ANTXR1: variants seen among roughly 807,000 people sequenced by gnomAD.
ANTXR1 encodes the protein anthrax toxin receptor 1.
ANTXR1 carries 19 observed loss-of-function variants against 78.1 expected under a neutral mutation model. The ratio of observed to expected loss-of-function variants is 0.24; its 90% CI spans 0.17 to 0.36. The LOEUF (loss-of-function observed/expected upper bound fraction) is 0.36. ANTXR1 is among the 10% of genes least tolerant of loss of function. ANTXR1 has a pLI of 1.00. For missense variants in ANTXR1, 518 were observed against 718.6 expected (o/e 0.72, Z 3.19); for synonymous variants, 273 against 260.5 (o/e 1.05, Z -0.46).
chr2:69,243,852 G>A (rs1396712205), intron 17 of ANTXR1, among the ~76,000 whole-genome samples: 2 of 152,204 alleles, frequency 1.3e-5, no homozygotes, highest in African/African-American at 4.8e-5. Flanking sequence ...TCAGAGAGGA[G>A]CAACCCCACC....
At chr2:69,221,183 A>G (rs1675310197) in intron 17 of ANTXR1, among the ~76,000 whole-genome samples, 1 of 152,206 alleles carries the variant, frequency 6.6e-6, no homozygotes, top group South Asian at 2.1e-4. Context: ...GGACTCTCCA[A>G]TTACAGAGGA....
intron 17 of ANTXR1, among the ~76,000 whole-genome samples, chr2:69,224,496 C>T (rs1413928249): frequency 6.6e-6 from 1 of 152,196 alleles, no homozygotes; most frequent in African/African-American, 2.4e-5. Flanking sequence ...ATTCCCTTTC[C>T]CTGCCCTCAA....
chr2:69,183,069 CTA>C lies in ANTXR1; in HGVS notation c.1353+412_1353+413del, dbSNP rs1255142325. On this transcript the variant is annotated intron_variant, in intron 16 of 17. Coordinates refer to ENST00000303714, the MANE Select transcript of ANTXR1 (RefSeq NM_032208.3). ...CTTGGGTAGTAACCCCAGAGAGTGA[CTA>C]TAAATTTCCATAGCATCTCATAACT... 2.4e-5 allele frequency: 5 copies of C among 212,506 alleles called. No individual in the cohort carries two copies. The East Asian group carries it at 6.6e-4, about 28-fold the overall frequency. The allele number at this position is 212,506 out of a possible 1,614,324, so 13.2% of individuals were successfully genotyped here.
intron 1 of ANTXR1, among the ~76,000 whole-genome samples, chr2:69,020,730 CAA>C (rs771248632): frequency 1.3e-5 from 2 of 152,176 alleles, no homozygotes; most frequent in African/African-American, 4.8e-5. Context: ...CAATAAAAGA[CAA>C]AGAGAATATT....
At chr2:69,148,248 C>T (rs375160930) in intron 12 of ANTXR1, among the ~76,000 whole-genome samples, 1 of 152,226 alleles carries the variant, frequency 6.6e-6, no homozygotes, top group East Asian at 1.9e-4. Context: ...TTTCCACCCG[C>T]ACTCATGCTG....
intron 17 of ANTXR1, among the ~76,000 whole-genome samples, chr2:69,220,752 C>T (rs1675298475): frequency 6.6e-6 from 1 of 152,208 alleles, no homozygotes; most frequent in African/African-American, 2.4e-5. Flanking sequence ...CAGTTGTCTT[C>T]TCTCTGAGCA....
rs540904819 is a variant in ANTXR1 at position 69,171,729 on chromosome 2, GCA to G, written c.1089+1447_1089+1448del. Among the ~76,000 whole-genome samples, 31 of 152,328 alleles carry G rather than the reference GCA, an allele frequency of 2.0e-4. No homozygotes were observed. The South Asian group carries it at 4.6e-3, about 22-fold the overall frequency. On this transcript the variant is annotated intron_variant, in intron 14 of 17. Coordinates refer to ENST00000303714, the MANE Select transcript of ANTXR1 (RefSeq NM_032208.3). ...CAGATCCAACATCTAGCCTAGGGTT[GCA>G]CACACAGTACAAGCTCAGCAGGGAC... is the stretch of plus-strand genomic sequence containing the variant.
rs576126201 is a variant in ANTXR1, at chr2:69,131,699, G to T, written c.951+7056G>T. 3.3e-5 allele frequency among the ~76,000 whole-genome samples: 5 copies of T among 152,194 alleles called. 1 individual carries two copies. In the South Asian group the frequency reaches 8.3e-4, roughly 25 times the overall value. On this transcript the variant is annotated intron_variant, in intron 12 of 17. Coordinates refer to ENST00000303714, the MANE Select transcript of ANTXR1 (RefSeq NM_032208.3). ...GAATAAATGAATGAACCCAATCAAG[G>T]GTCATACTGGTACCATGATGGCACC...
rs1671003544 is a variant in ANTXR1 at position 69,084,912 on chromosome 2, G to A, written c.643-5947G>A. Among the ~76,000 whole-genome samples, 6 of 148,254 alleles carry A rather than the reference G, an allele frequency of 4.0e-5. No individual in the cohort carries two copies. The Admixed American group carries it at 4.1e-4, about 10-fold the overall frequency. On this transcript the variant is annotated intron_variant, in intron 8 of 17. Coordinates refer to ENST00000303714, the MANE Select transcript of ANTXR1 (RefSeq NM_032208.3). ...CTGTTGCCCAGGCTGGAGTGCAGTG[G>A]CGCTATCTCGGCTCACTGCAAGCTC...
chr2:69,107,233 CGTTTT>C (rs1671839014), intron 10 of ANTXR1, among the ~76,000 whole-genome samples: 1 of 151,208 alleles, frequency 6.6e-6, no homozygotes, highest in Non-Finnish European at 1.5e-5. Context: ...ATAAAGAAAA[CGTTTT>C]GTTTTGTGTG....
chr2:69,059,813 C>G (rs1024324246), intron 3 of ANTXR1, among the ~76,000 whole-genome samples: 1 of 151,942 alleles, frequency 6.6e-6, no homozygotes, highest in South Asian at 2.1e-4. Context: ...ACAGAACCCA[C>G]AATATATCCA....
chr2:69,201,894 A>G (rs959569109), intron 17 of ANTXR1, among the ~76,000 whole-genome samples: 1 of 152,182 alleles, frequency 6.6e-6, no homozygotes, highest in Non-Finnish European at 1.5e-5. Context: ...AGGGGGAAGC[A>G]TGAAGGCATC....
intron 2 of ANTXR1, among the ~76,000 whole-genome samples, chr2:69,041,013 C>T (rs759110759): frequency 2.6e-5 from 4 of 152,128 alleles, no homozygotes; most frequent in South Asian, 2.1e-4. Context: ...TTGACCTCAA[C>T]GCATGCCTAC....
intron 17 of ANTXR1, among the ~76,000 whole-genome samples, chr2:69,222,237 T>C (rs1300123386): frequency 2.6e-5 from 4 of 152,242 alleles, no homozygotes; most frequent in African/African-American, 4.8e-5. Context: ...AGCTTTGGTA[T>C]GAAATTCAAT....
intron 17 of ANTXR1, among the ~76,000 whole-genome samples, chr2:69,216,079 G>A (rs75689608): frequency 8.5e-5 from 13 of 152,210 alleles, no homozygotes; most frequent in Non-Finnish European, 1.5e-4. Context: ...CAGGGAGACC[G>A]TGTGTGCCAG....
intron 13 of ANTXR1, among the ~76,000 whole-genome samples, chr2:69,163,130 C>T (rs1415918510): frequency 3.3e-5 from 5 of 151,966 alleles, no homozygotes; most frequent in African/African-American, 4.8e-5. Flanking sequence ...TCTTAGTTGA[C>T]GTGAGTCTGA....
intron 16 of ANTXR1, among the ~76,000 whole-genome samples, chr2:69,189,820 AAGG>A (rs1380846045): frequency 1.3e-5 from 2 of 152,218 alleles, no homozygotes; most frequent in African/African-American, 4.8e-5. Context: ...GGGTGTGCAA[AAGG>A]AGGAGCAGGT....
At chr2:69,021,202 C>G (rs1671179195) in intron 1 of ANTXR1, among the ~76,000 whole-genome samples, 1 of 152,192 alleles carries the variant, frequency 6.6e-6, no homozygotes, top group East Asian at 1.9e-4. Context: ...GTCATCATTA[C>G]CATTTCACAC....
intron 3 of ANTXR1, among the ~76,000 whole-genome samples, chr2:69,069,979 G>A (rs1670517830): frequency 6.6e-6 from 1 of 152,164 alleles, no homozygotes; most frequent in African/African-American, 2.4e-5. Context: ...CATGAATGTA[G>A]ACTTCTTACA....
Sources: allele counts gnomAD v4.1 joint callset (sites outside exome capture counted in the v4.1 genomes callset), GRCh38; gene constraint gnomAD v4.1.1; transcripts MANE v1.5; gene names NCBI Gene and HGNC (gene_info 2026-07-23, HGNC 2026-07-21).